BRINP3: variants seen among roughly 807,000 people sequenced by gnomAD.
BRINP3 encodes the protein BMP/retinoic acid inducible neural specific 3, also known as BMP/retinoic acid-inducible neural-specific protein 3.
BRINP3 carries 19 observed loss-of-function variants against 71.0 expected under a neutral mutation model. The ratio of observed to expected loss-of-function variants is 0.27; its 90% CI spans 0.19 to 0.39. The LOEUF is 0.39. Among genes scored for constraint, BRINP3 ranks in the 10% least tolerant of loss-of-function variants. The probability of loss-of-function intolerance (pLI) is 1.00; values close to 1 mark genes in which losing one functional copy is unlikely to be tolerated. For synonymous variants in BRINP3, 380 were observed against 337.7 expected (o/e 1.13, Z -1.37); for missense variants, 959 against 940.8 (o/e 1.02, Z -0.25).
chr1:190,441,215 A>C (rs903493695), intron 2 of BRINP3, among the ~76,000 whole-genome samples: 2 of 152,028 alleles, frequency 1.3e-5, no homozygotes, highest in Non-Finnish European at 2.9e-5. Flanking sequence ...AATGTGCTTC[A>C]GAGTTCAGTT....
intron 3 of BRINP3, 47 bp downstream of exon 3, chr1:190,281,513 T>C (rs1663036194): frequency 1.3e-6 from 2 of 1,561,384 alleles, no homozygotes; most frequent in African/African-American, 1.4e-5. Context: ...TTTATACGGT[T>C]TTAGGCACAA....
Position 190,226,065 on chromosome 1 carries a change from T to G in BRINP3, c.961+17A>C, listed in dbSNP as rs1657346044. ...TTGTCAATATTTAAAAGTGTTATAT[T>G]AAAATACATGTCTTACCTGATTCCT... is the stretch of plus-strand genomic sequence containing the variant. On this transcript the variant is annotated intron_variant, in intron 6 of 7. Transcript: ENST00000367462. The G allele has an allele frequency of 5.5e-6, 8 of 1,465,544 alleles. No individual in the cohort carries two copies. Among genetic ancestry groups the G allele is most frequent in the Non-Finnish European group, 7.4e-6 (8 of 1,086,268 alleles). The allele number at this position is 1,465,544 out of a possible 1,614,324, so 90.8% of individuals were successfully genotyped here. A position where few individuals can be genotyped will look rare whatever the true frequency, so the allele number is the denominator to read the frequency against.
chr1:190,126,985 C>T (rs531763758), intron 7 of BRINP3, among the ~76,000 whole-genome samples: 1 of 151,818 alleles, frequency 6.6e-6, no homozygotes, highest in Admixed American at 6.6e-5. Flanking sequence ...GTGACTCTTA[C>T]AAAAATGAAA....
At chr1:190,173,778 T>G (rs1163727153) in intron 6 of BRINP3, among the ~76,000 whole-genome samples, 1 of 152,198 alleles carries the variant, frequency 6.6e-6, no homozygotes, top group Non-Finnish European at 1.5e-5. Context: ...TAACACATTT[T>G]TATGAATATA....
At chr1:190,244,479 G>A (rs1391780823) in intron 4 of BRINP3, among the ~76,000 whole-genome samples, 2 of 152,022 alleles carry the variant, frequency 1.3e-5, no homozygotes, top group Admixed American at 1.3e-4. Context: ...TATCTGTTTT[G>A]CTTTCTTTGA....
chr1:190,194,843 G>C (rs1289444463), intron 6 of BRINP3, among the ~76,000 whole-genome samples: 2 of 152,036 alleles, frequency 1.3e-5, no homozygotes, highest in African/African-American at 4.8e-5. Context: ...GCTAACGTCT[G>C]AAGGCCATGA....
chr1:190,156,912 A>G (rs1257653245), intron 7 of BRINP3, among the ~76,000 whole-genome samples: 1 of 152,026 alleles, frequency 6.6e-6, no homozygotes, highest in African/African-American at 2.4e-5. Flanking sequence ...TTCATTACAA[A>G]ACTTGAACTT....
chr1:190,446,351 A>G (rs1675218503), intron 2 of BRINP3, among the ~76,000 whole-genome samples: 2 of 152,052 alleles, frequency 1.3e-5, no homozygotes. Context: ...CAAGTGTGTT[A>G]ACAGTTAGTG....
chr1:190,217,956 C>T (rs984984738), intron 6 of BRINP3, among the ~76,000 whole-genome samples: 1 of 152,036 alleles, frequency 6.6e-6, no homozygotes, highest in South Asian at 2.1e-4. Context: ...AAACACATAA[C>T]ATGTAGTGAG....
At position 190,297,827 on chromosome 1, in the gene BRINP3, T is replaced by G. The variant is rs181678531; in HGVS notation, c.237-16077A>C. 5.5e-3 allele frequency among the ~76,000 whole-genome samples: 839 copies of G among 151,782 alleles called. 1 individual carries two copies. The highest frequency in any genetic ancestry group is 9.7e-3 in the Admixed American group (147 of 15,186). ...GTGCGTGTGTGTACCTGTGTGTGTG[T>G]GCATGCTTTTTCTTCTGGTTTGTTA... On this transcript the variant is annotated intron_variant, in intron 2 of 7. Coordinates refer to ENST00000367462, the MANE Select transcript of BRINP3 (RefSeq NM_199051.3).
At chr1:190,192,521 T>G in intron 6 of BRINP3, among the ~76,000 whole-genome samples, 1 of 148,370 alleles carries the variant, frequency 6.7e-6, no homozygotes, top group Admixed American at 6.8e-5. Context: ...GATATTAGTT[T>G]AGTTTTTTTT....
chr1:190,247,658 C>T (rs1159634568), intron 4 of BRINP3, among the ~76,000 whole-genome samples: 1 of 151,746 alleles, frequency 6.6e-6, no homozygotes, highest in African/African-American at 2.4e-5. Context: ...ACTTCTCACC[C>T]TCTAATACCC....
At chr1:190,382,526 T>C (rs1670612885) in intron 2 of BRINP3, among the ~76,000 whole-genome samples, 1 of 152,126 alleles carries the variant, frequency 6.6e-6, no homozygotes, top group South Asian at 2.1e-4. Context: ...TTGATTTATT[T>C]AAAGGTGAGG....
chr1:190,436,772 G>A (rs992405037), intron 2 of BRINP3, among the ~76,000 whole-genome samples: 1 of 151,688 alleles, frequency 6.6e-6, no homozygotes, highest in Non-Finnish European at 1.5e-5. Context: ...CTGAAAATAA[G>A]CAGATAAGTT....
At chr1:190,134,055 T>G (rs1247479338) in intron 7 of BRINP3, among the ~76,000 whole-genome samples, 1 of 152,078 alleles carries the variant, frequency 6.6e-6, no homozygotes, top group Non-Finnish European at 1.5e-5. Flanking sequence ...CACTGGGGCT[T>G]TCATTCTCAA....
intron 2 of BRINP3, among the ~76,000 whole-genome samples, chr1:190,443,418 A>G (rs1453644887): frequency 6.7e-6 from 1 of 149,990 alleles, no homozygotes; most frequent in Admixed American, 6.6e-5. Context: ...AAAAAAAAAA[A>G]GAAAAGAAAA....
At chr1:190,256,930 C>T (rs1660716586) in intron 4 of BRINP3, among the ~76,000 whole-genome samples, 2 of 152,108 alleles carry the variant, frequency 1.3e-5, no homozygotes. Context: ...TTTTTCCCTT[C>T]ATTTCAACCT....
At chr1:190,208,061 C>T (rs745440085) in intron 6 of BRINP3, among the ~76,000 whole-genome samples, 1 of 152,048 alleles carries the variant, frequency 6.6e-6, no homozygotes, top group Admixed American at 6.6e-5. Context: ...GATATTCACA[C>T]CTTAGCCTTC....
intron 2 of BRINP3, among the ~76,000 whole-genome samples, chr1:190,320,886 C>T (rs1280305348): frequency 2.0e-5 from 3 of 151,880 alleles, no homozygotes; most frequent in African/African-American, 7.3e-5. Context: ...TGTTAATCAT[C>T]AACATTTTCA....
Sources: gnomAD v4.1 joint callset for allele counts (sites outside exome capture counted in the v4.1 genomes callset) on GRCh38, gnomAD v4.1.1 for gene constraint, MANE v1.5 for transcripts, NCBI Gene and HGNC (gene_info 2026-07-23, HGNC 2026-07-21) for gene names.